The following SRRM1 variants were observed in gnomAD, a reference collection of about 807,000 sequenced individuals.
SRRM1 encodes serine/arginine repetitive matrix protein 1.
In SRRM1, 19 loss-of-function variants were observed where a neutral mutation model predicts 110.2. The ratio of observed to expected loss-of-function variants is 0.17; its 90% CI spans 0.12 to 0.25. The LOEUF (loss-of-function observed/expected upper bound fraction) is 0.25. Among genes scored for constraint, SRRM1 ranks in the 10% least tolerant of loss-of-function variants. SRRM1 has a pLI of 1.00. For missense variants in SRRM1, 918 were observed against 1,145.8 expected (o/e 0.80, Z 2.87); for synonymous variants, 443 against 414.9 (o/e 1.07, Z -0.82).
At chr1:24,647,321 CATTT>C (rs1227501846) in intron 3 of SRRM1, 2 of 152,558 alleles carry the variant, frequency 1.3e-5, no homozygotes, top group Admixed American at 1.3e-4. Flanking sequence ...ATGAGATGGA[CATTT>C]ATGTGAAGCA....
At chr1:24,656,437 A>T (rs1664137503) in intron 9 of SRRM1, among the ~76,000 whole-genome samples, 1 of 152,214 alleles carries the variant, frequency 6.6e-6, no homozygotes, top group African/African-American at 2.4e-5. Context: ...AGCTAGTGAA[A>T]GTAGAGAAGC....
At chr1:24,672,080 C>G in intron 16 of SRRM1, 102 bp from the exon 17 acceptor site, 7 of 853,938 alleles carry the variant, frequency 8.2e-6, no homozygotes, top group Non-Finnish European at 1.3e-5. Context: ...CACAACAGTC[C>G]CCGGTGTGTG....
At position 24,660,812 on chromosome 1, in the gene SRRM1, T is replaced by TG. The variant is rs1156851841; in HGVS notation, c.1396+13_1396+14insG. 6.6e-7 allele frequency: 1 copy of TG among 1,511,372 alleles called. No homozygotes were observed. The highest frequency in any genetic ancestry group is 1.7e-5 in the African/African-American group (1 of 58,624). 93.6% of individuals were successfully genotyped at this position (1,511,372 alleles called of 1,614,324 possible). A position where few individuals can be genotyped will look rare whatever the true frequency, so the allele number is the denominator to read the frequency against. ...TTATCTGAATCGGGTAAGTTTGTTG[T>TG]TTTTTTTTGTGATTTTGGTTTGTTT... On this transcript the variant is annotated intron_variant, in intron 10 of 16. Transcript: ENST00000323848.
Position 24,652,500 on chromosome 1 carries a change from T to C in SRRM1, c.792T>C (p.Asn264=). ...PEPKEPSPEK[N]SKKEKEKEKT... is the part of the protein sequence containing the mutation. ...CTAAAGAACCTTCTCCGGAAAAAAA[T>C]TCCAAAAAAGAAAAGGAGAAGGAGA... is the stretch of plus-strand genomic sequence containing the variant. Residue 264 remains asparagine (N), a synonymous_variant, in exon 7 of 17, where the codon AAT becomes AAC. Coordinates refer to ENST00000323848, the MANE Select transcript of SRRM1 (RefSeq NM_005839.4). 6.2e-7 allele frequency: 1 copy of C among 1,604,270 alleles called. No homozygotes were observed. Among genetic ancestry groups the C allele is most frequent in the Non-Finnish European group, 8.5e-7 (1 of 1,176,350 alleles).
intron 14 of SRRM1, 96 bp from the exon 15 acceptor site, chr1:24,670,024 A>G (rs1671939461): frequency 1.8e-6 from 2 of 1,106,852 alleles, no homozygotes; most frequent in Non-Finnish European, 2.6e-6. Context: ...GGTATATTTG[A>G]AATTCATAAC....
rs1661635929 is a variant in SRRM1, at chr1:24,652,621, C to A, written c.913C>A (p.Arg305=). The A allele has an allele frequency of 2.5e-6, 4 of 1,599,228 alleles. No homozygotes were observed. The highest frequency in any genetic ancestry group is 3.4e-6 in the Non-Finnish European group (4 of 1,174,866). The change falls in exon 7 of 17, where the codon CGA becomes AGA. Residue 305 remains arginine, a synonymous_variant. Transcript: ENST00000323848. ...TCGACCTAGACGGCGCCATAGATCC[C>A]GATCAAGGTGAGTTGTGGCTTTAAG... ...HTRPRRRHRS[R]SRSYSPRRRP...
At chr1:24,644,144 G>A (rs1253153504) in intron 1 of SRRM1, among the ~76,000 whole-genome samples, 2 of 152,082 alleles carry the variant, frequency 1.3e-5, no homozygotes, top group Non-Finnish European at 2.9e-5. Flanking sequence ...CTCTTACCTA[G>A]GCTCTGCCAG....
Position 24,666,872 on chromosome 1 carries a change from T to C in SRRM1, c.1686T>C (p.Ser562=), listed in dbSNP as rs766374142. The change falls in exon 13 of 17, where the codon TCT becomes TCC. Residue 562 remains serine, a synonymous_variant. Transcript: ENST00000323848. ...PPPTRRRRSP[S]PAPPPRRRRT... The stretch of plus-strand genomic sequence containing the variant: ...CCACCAGAAGGCGACGGTCTCCTTC[T>C]CCCGCCCCTCCTCCTCGACGGCGCA... 2.5e-5 allele frequency: 40 copies of C among 1,612,148 alleles called. No individual in the cohort carries two copies. In the African/African-American group the frequency reaches 4.4e-4, roughly 18 times the overall value.
chr1:24,659,880 C>CT (rs923116311), intron 9 of SRRM1, among the ~76,000 whole-genome samples: 3 of 152,100 alleles, frequency 2.0e-5, no homozygotes, highest in African/African-American at 7.2e-5. Flanking sequence ...ATAGAAATGC[C>CT]TTTTTTTCTT....
Position 24,652,640 on chromosome 1 carries a change from C to T in SRRM1, c.920+12C>T. ...AGATCCCGATCAAGGTGAGTTGTGG[C>T]TTTAAGATCAACAAAGATCTTAGGT... On this transcript the variant is annotated intron_variant, in intron 7 of 16. Transcript: ENST00000323848. 6.3e-7 allele frequency: 1 copy of T among 1,584,134 alleles called. No homozygotes were observed.
intron 9 of SRRM1, among the ~76,000 whole-genome samples, chr1:24,655,655 G>T (rs912477977): frequency 6.6e-6 from 1 of 152,104 alleles, no homozygotes; most frequent in Non-Finnish European, 1.5e-5. Context: ...TCTGCAGATT[G>T]ATTTCTGAGG....
chr1:24,644,755 T>C (rs1275822465), intron 1 of SRRM1, among the ~76,000 whole-genome samples: 1 of 152,246 alleles, frequency 6.6e-6, no homozygotes, highest in Admixed American at 6.5e-5. Flanking sequence ...GTAGTAAATA[T>C]TCAATATTTT....
At chr1:24,643,994 G>A (rs1655627883) in intron 1 of SRRM1, among the ~76,000 whole-genome samples, 1 of 152,194 alleles carries the variant, frequency 6.6e-6, no homozygotes, top group Non-Finnish European at 1.5e-5. Context: ...TTAAGGTTCT[G>A]TGAGGGTAGA....
chr1:24,646,598 A>G, intron 2 of SRRM1, 69 bp from the exon 3 acceptor site: 2 of 1,381,456 alleles, frequency 1.4e-6, no homozygotes, highest in Non-Finnish European at 2.0e-6. Flanking sequence ...TTTGGTAGAC[A>G]GAACTCTAAC....
Position 24,671,591 on chromosome 1 carries a change from A to G in SRRM1, c.2606A>G (p.Lys869Arg). 1.9e-6 allele frequency: 3 copies of G among 1,589,032 alleles called. No individual in the cohort carries two copies. The highest frequency in any genetic ancestry group is 1.2e-5 in the South Asian group (1 of 86,416). Residue 869 changes from lysine (K) to arginine (R), a missense_variant, in exon 16 of 17, where the codon AAG (lysine) becomes AGG (arginine). Physicochemically the swap from Lys to Arg is conservative, Grantham distance 26 (BLOSUM62 2). Transcript: ENST00000323848. ...GAGCCAGTGGCAGCGCCAGAGCCGAAGAAGGTATTTATGAACTCTGTATAT... is the reference window on the plus strand; with the variant it reads ...GAGCCAGTGGCAGCGCCAGAGCCGAGGAAGGTATTTATGAACTCTGTATAT... The part of the protein sequence containing the change: ...QEEPVAAPEP[K>R]KETESEAEDN...
chr1:24,672,089 T>C, intron 16 of SRRM1, 93 bp from the exon 17 acceptor site: 1 of 936,284 alleles, frequency 1.1e-6, no homozygotes, highest in Non-Finnish European at 1.7e-6. Flanking sequence ...CCCCGGTGTG[T>C]GATGTTCCCC....
At chr1:24,656,787 A>T (rs780767295) in intron 9 of SRRM1, among the ~76,000 whole-genome samples, 1 of 152,210 alleles carries the variant, frequency 6.6e-6, no homozygotes, top group Non-Finnish European at 1.5e-5. Context: ...AGAGGGACCA[A>T]TCCTTGTTAA....
chr1:24,670,222 C>T lies in SRRM1; in HGVS notation c.2307C>T (p.Ser769=). 4 of 1,614,124 alleles carry T rather than the reference C, an allele frequency of 2.5e-6. No homozygotes were observed. The highest frequency in any genetic ancestry group is 3.4e-6 in the Non-Finnish European group (4 of 1,180,018). The change falls in exon 15 of 17, where the codon TCC becomes TCT. Residue 769 remains serine (S), a synonymous_variant. Transcript: ENST00000323848. Reference sequence around the variant, plus strand: ...CTAAAAAGCCCCCAGCACCTCCATCCCCCGTCCAGTCTCAGTCACCGTCTA... The same window carrying T: ...CTAAAAAGCCCCCAGCACCTCCATCTCCCGTCCAGTCTCAGTCACCGTCTA... ...PAAKKPPAPP[S]PVQSQSPSTN...
intron 9 of SRRM1, among the ~76,000 whole-genome samples, chr1:24,655,543 A>G (rs116819883): frequency 1.3e-3 from 204 of 152,228 alleles, no homozygotes; most frequent in African/African-American, 4.7e-3. Flanking sequence ...TCTTGGTCGC[A>G]TTGCGCTCCC....
Sources: allele counts gnomAD v4.1 joint callset (sites outside exome capture counted in the v4.1 genomes callset), GRCh38; gene constraint gnomAD v4.1.1; transcripts MANE v1.5; gene names NCBI Gene and HGNC (gene_info 2026-07-23, HGNC 2026-07-21).